OXR1: variants seen among roughly 807,000 people sequenced by gnomAD.
OXR1 encodes the protein oxidation resistance protein 1.
Under a neutral mutation model 104.6 loss-of-function variants are expected in OXR1, and 41 were observed. The observed-to-expected ratio is 0.39, with a 90% CI of 0.31 to 0.51. OXR1 has a LOEUF of 0.51. OXR1 is among the 20% of genes least tolerant of loss of function. OXR1 has a pLI of 0.77. For synonymous variants in OXR1, 348 were observed against 348.4 expected (o/e 1.00, Z 0.01); for missense variants, 955 against 1,031.9 (o/e 0.93, Z 1.02).
chr8:106,381,540 A>G (rs1013297451), intron 2 of OXR1, among the ~76,000 whole-genome samples: 2 of 152,136 alleles, frequency 1.3e-5, no homozygotes, highest in Non-Finnish European at 2.9e-5. Flanking sequence ...CTGTATAATA[A>G]TGGCCATTGG....
At chr8:106,434,974 C>T (rs1369656593) in intron 2 of OXR1, among the ~76,000 whole-genome samples, 1 of 152,034 alleles carries the variant, frequency 6.6e-6, no homozygotes, top group African/African-American at 2.4e-5. Flanking sequence ...AAGCATATAA[C>T]ACAGGGCGGC....
At chr8:106,583,601 A>G (rs1204584617) in intron 3 of OXR1, among the ~76,000 whole-genome samples, 1 of 152,164 alleles carries the variant, frequency 6.6e-6, no homozygotes, top group Non-Finnish European at 1.5e-5. Context: ...AAACCAGAAG[A>G]GGAGGTAACA....
intron 2 of OXR1, among the ~76,000 whole-genome samples, chr8:106,473,773 G>GTTTTAGT (rs1181856651): frequency 2.7e-5 from 4 of 150,100 alleles, no homozygotes; most frequent in Non-Finnish European, 5.9e-5. Context: ...AGGGACAGTA[G>GTTTTAGT]TTTTAGTTTT....
intron 2 of OXR1, among the ~76,000 whole-genome samples, chr8:106,418,042 G>A (rs1450022524): frequency 6.6e-6 from 1 of 151,972 alleles, no homozygotes; most frequent in Non-Finnish European, 1.5e-5. Context: ...AGTATCAAGT[G>A]GTCAGCTATA....
chr8:106,350,501 A>C (rs542087017), intron 1 of OXR1, among the ~76,000 whole-genome samples: 1 of 152,304 alleles, frequency 6.6e-6, no homozygotes, highest in South Asian at 2.1e-4. Context: ...TAGACTAATT[A>C]CTGACATGCT....
intron 3 of OXR1, among the ~76,000 whole-genome samples, chr8:106,555,856 A>G (rs1816223766): frequency 6.7e-6 from 1 of 150,104 alleles, no homozygotes; most frequent in Non-Finnish European, 1.5e-5. Context: ...GTGTATATGT[A>G]TATGTGTATG....
intron 2 of OXR1, among the ~76,000 whole-genome samples, chr8:106,467,761 G>A (rs1369128453): frequency 1.3e-5 from 2 of 151,852 alleles, no homozygotes; most frequent in Non-Finnish European, 2.9e-5. Flanking sequence ...CATCCATGGA[G>A]GATATCTCTC....
chr8:106,404,491 C>T (rs761368970), intron 2 of OXR1, among the ~76,000 whole-genome samples: 1 of 152,076 alleles, frequency 6.6e-6, no homozygotes, highest in Non-Finnish European at 1.5e-5. Context: ...TCAATCTTAG[C>T]CCTATGGCTA....
chr8:106,388,030 C>G (rs1031820270), intron 2 of OXR1, among the ~76,000 whole-genome samples: 2 of 152,096 alleles, frequency 1.3e-5, no homozygotes, highest in African/African-American at 4.8e-5. Flanking sequence ...AGGGGTAAAT[C>G]CCTTGGGGAA....
At chr8:106,473,853 T>C (rs1011738878) in intron 2 of OXR1, among the ~76,000 whole-genome samples, 19 of 132,674 alleles carry the variant, frequency 1.4e-4, no homozygotes, top group African/African-American at 5.4e-4. Flanking sequence ...TCTATTCCTC[T>C]TTTTTTTTTT....
chr8:106,357,828 C>T (rs143133703), intron 1 of OXR1, among the ~76,000 whole-genome samples: 9 of 151,924 alleles, frequency 5.9e-5, no homozygotes, highest in Non-Finnish European at 5.9e-5. Context: ...CCATGTTTTC[C>T]GCTTTGCAGT....
chr8:106,554,621 C>T (rs1381975992), intron 3 of OXR1, among the ~76,000 whole-genome samples: 1 of 152,148 alleles, frequency 6.6e-6, no homozygotes, highest in Non-Finnish European at 1.5e-5. Context: ...ATTATTGCAA[C>T]TTTACTGTAA....
At chr8:106,363,559 T>G (rs1338665125) in intron 2 of OXR1, among the ~76,000 whole-genome samples, 1 of 148,518 alleles carries the variant, frequency 6.7e-6, no homozygotes, top group African/African-American at 2.4e-5. Flanking sequence ...ATATATTCGT[T>G]TTTTTTTTTT....
At chr8:106,393,702 A>G (rs1209444363) in intron 2 of OXR1, among the ~76,000 whole-genome samples, 1 of 152,048 alleles carries the variant, frequency 6.6e-6, no homozygotes, top group Non-Finnish European at 1.5e-5. Context: ...TGTAAGGAGT[A>G]CTTTATAGTT....
intron 15 of OXR1, among the ~76,000 whole-genome samples, chr8:106,743,510 G>A (rs556791930): frequency 2.1e-4 from 32 of 152,192 alleles, no homozygotes; most frequent in African/African-American, 5.1e-4. Flanking sequence ...TAGTAGAGAC[G>A]GGGTTTTGCC....
At position 106,320,686 on chromosome 8, in the gene OXR1, G is replaced by A. The variant is rs543856998; in HGVS notation, c.-138-38790G>A. Among the ~76,000 whole-genome samples the A allele has an allele frequency of 4.0e-5, 6 of 151,344 alleles. No homozygotes were observed. The East Asian group carries it at 9.7e-4, about 24-fold the overall frequency. ...CTCTCATTCTTCTTTTTTTGGGGGG[G>A]GCGGGGACAGAGTCTTGCTCTGTTG... On this transcript the variant is annotated intron_variant, in intron 1 of 16. Transcript: ENST00000517566.
In OXR1 at chr8:106,313,752, C is replaced by G. The variant is rs529952904; in HGVS notation, c.-139+43385C>G. Among the ~76,000 whole-genome samples the G allele has an allele frequency of 3.0e-4, 45 of 152,148 alleles. No individual in the cohort carries two copies. The South Asian group carries it at 8.9e-3, about 30-fold the overall frequency. On this transcript the variant is annotated intron_variant, in intron 1 of 16. Transcript: ENST00000517566. ...TAAAAAAAAAATTATGGAACTAAAA[C>G]AGTTCATGTAGGTAGGAAGTGTAAG...
intron 2 of OXR1, among the ~76,000 whole-genome samples, chr8:106,361,369 A>C (rs1816236636): frequency 6.6e-6 from 1 of 152,176 alleles, no homozygotes; most frequent in Non-Finnish European, 1.5e-5. Context: ...TATCAGCACT[A>C]TCCTCGATTC....
intron 2 of OXR1, among the ~76,000 whole-genome samples, chr8:106,431,174 A>T (rs1188753044): frequency 6.6e-6 from 1 of 152,154 alleles, no homozygotes; most frequent in Admixed American, 6.5e-5. Context: ...TAGACTTCTG[A>T]GCCATCCCAG....
Sources: allele counts gnomAD v4.1 joint callset (sites outside exome capture counted in the v4.1 genomes callset), GRCh38; gene constraint gnomAD v4.1.1; transcripts MANE v1.5; gene names NCBI Gene and HGNC (gene_info 2026-07-23, HGNC 2026-07-21).